ATP8A1: variants seen among roughly 807,000 people sequenced by gnomAD.
The protein encoded by ATP8A1 is phospholipid-transporting ATPase IA.
ATP8A1 carries 90 observed loss-of-function variants against 177.7 expected under a neutral mutation model. The observed-to-expected ratio is 0.51, with a 90% CI of 0.43 to 0.60. The LOEUF (loss-of-function observed/expected upper bound fraction) is 0.60, where lower values mean the gene tolerates loss of function less well. ATP8A1 is among the 20% of genes least tolerant of loss of function. ATP8A1 has a pLI of 0.00. For missense variants in ATP8A1, 1,072 were observed against 1,392.8 expected, an observed-to-expected ratio of 0.77 and a Z score of 3.67; for synonymous variants, 493 against 485.9, an observed-to-expected ratio of 1.01 and a Z score of -0.19.
intron 15 of ATP8A1, among the ~76,000 whole-genome samples, chr4:42,564,357 T>C (rs1001438928): frequency 2.0e-5 from 3 of 152,024 alleles, no homozygotes; most frequent in Non-Finnish European, 4.4e-5. Context: ...ACCATGCACC[T>C]GGAAAAGCCG....
intron 33 of ATP8A1, among the ~76,000 whole-genome samples, chr4:42,433,327 C>A (rs889461320): frequency 2.0e-5 from 3 of 152,310 alleles, no homozygotes; most frequent in South Asian, 4.1e-4. Context: ...CAGCTAGCGT[C>A]TTACATCCTA....
intron 25 of ATP8A1, among the ~76,000 whole-genome samples, chr4:42,480,511 T>C (rs1386345980): frequency 1.3e-5 from 2 of 152,248 alleles, no homozygotes; most frequent in African/African-American, 4.8e-5. Flanking sequence ...CACAAATTTT[T>C]TTCCTTAAAG....
intron 1 of ATP8A1, chr4:42,637,310 C>T (rs537472847): frequency 6.4e-6 from 3 of 469,266 alleles, no homozygotes; most frequent in African/African-American, 2.0e-5. Flanking sequence ...AGCTCTGAGT[C>T]CAGCACGTTC....
In ATP8A1 at chr4:42,446,081, A is replaced by AAAAAAAAAAAAAAAAAAAAAAC. The variant is rs1717194864; in HGVS notation, c.2958+501_2958+502insGTTTTTTTTTTTTTTTTTTTTT. 2.3e-4 allele frequency among the ~76,000 whole-genome samples: 2 copies of AAAAAAAAAAAAAAAAAAAAAAC among 8,746 alleles called. 1 individual carries two copies. Among genetic ancestry groups the AAAAAAAAAAAAAAAAAAAAAAC allele is most frequent in the Non-Finnish European group, 4.2e-4 (2 of 4,800 alleles). 5.7% of individuals were successfully genotyped at this position (8,746 alleles called of 152,430 possible). On this transcript the variant is annotated intron_variant, in intron 31 of 36. Coordinates refer to ENST00000381668, the MANE Select transcript of ATP8A1 (RefSeq NM_006095.2). ...GGCGACAAGAGTGAAACGCCCTCTC[A>AAAAAAAAAAAAAAAAAAAAAAC]AAAAAAAAAAAAAAAAAAGAGAAGA...
intron 27 of ATP8A1, among the ~76,000 whole-genome samples, chr4:42,456,384 T>C (rs1454430786): frequency 2.0e-5 from 3 of 152,156 alleles, no homozygotes; most frequent in African/African-American, 4.8e-5. Context: ...CCACTGCCAA[T>C]GGAATCTTAA....
Position 42,518,027 on chromosome 4 carries a change from C to T in ATP8A1, c.1947+4133G>A, listed in dbSNP as rs550549828. Among the ~76,000 whole-genome samples the T allele has an allele frequency of 9.7e-4, 147 of 152,144 alleles. 2 individuals are homozygous for T. Among genetic ancestry groups the T allele is most frequent in the South Asian group, 8.3e-3 (40 of 4,810 alleles). ...AAGCATCACAACCAAAGGATAAATG[C>T]CTTGTTGTATATTTTTGGTCTATTT... On this transcript the variant is annotated intron_variant, in intron 22 of 36. Coordinates refer to ENST00000381668, the MANE Select transcript of ATP8A1 (RefSeq NM_006095.2).
At chr4:42,454,200 C>T (rs551055405) in intron 29 of ATP8A1, among the ~76,000 whole-genome samples, 12 of 152,284 alleles carry the variant, frequency 7.9e-5, no homozygotes, top group Non-Finnish European at 1.6e-4. Context: ...ACGCTGTGTT[C>T]GTGAAGATCA....
chr4:42,609,098 A>G (rs565403634), intron 5 of ATP8A1, among the ~76,000 whole-genome samples: 7 of 152,294 alleles, frequency 4.6e-5, no homozygotes, highest in African/African-American at 1.7e-4. Flanking sequence ...AATACACATA[A>G]TAATACATAT....
chr4:42,630,731 G>C (rs1439259925), intron 1 of ATP8A1, among the ~76,000 whole-genome samples: 1 of 152,006 alleles, frequency 6.6e-6, no homozygotes, highest in Non-Finnish European at 1.5e-5. Context: ...ATTTTCTCTG[G>C]GTTCAGACTG....
intron 24 of ATP8A1, among the ~76,000 whole-genome samples, chr4:42,487,934 G>A (rs973123445): frequency 1.3e-5 from 2 of 152,128 alleles, no homozygotes; most frequent in African/African-American, 4.8e-5. Context: ...AAAATTTTCT[G>A]TTCACACTTT....
intron 33 of ATP8A1, among the ~76,000 whole-genome samples, chr4:42,434,616 G>A (rs1266143151): frequency 1.3e-5 from 2 of 152,158 alleles, no homozygotes; most frequent in Non-Finnish European, 2.9e-5. Flanking sequence ...GTCCTTGGCT[G>A]GACACCTTTT....
In ATP8A1 at chr4:42,522,303, A is replaced by C. The variant is rs749846722; in HGVS notation, c.1808-4T>G. 6.2e-7 allele frequency: 1 copy of C among 1,612,776 alleles called. No individual in the cohort carries two copies. Among genetic ancestry groups the C allele is most frequent in the Non-Finnish European group, 8.5e-7 (1 of 1,179,700 alleles). On this transcript the variant is annotated splice_polypyrimidine_tract_variant and splice_region_variant and intron_variant, in intron 21 of 36. Coordinates refer to ENST00000381668, the MANE Select transcript of ATP8A1 (RefSeq NM_006095.2). ...GCAAAACATAAAGTTCTTAACCCTGAAAAAGATAGCATACATCACCCCAAC... is the reference window on the plus strand; with the variant it reads ...GCAAAACATAAAGTTCTTAACCCTGCAAAAGATAGCATACATCACCCCAAC...
chr4:42,562,175 C>T (rs1402484797), intron 15 of ATP8A1: 2 of 152,232 alleles, frequency 1.3e-5, no homozygotes, highest in Non-Finnish European at 2.9e-5. Flanking sequence ...ATGCCATTGA[C>T]ACATGCTCTG....
chr4:42,415,807 A>G (rs1713179945), intron 35 of ATP8A1, among the ~76,000 whole-genome samples: 1 of 152,214 alleles, frequency 6.6e-6, no homozygotes, highest in South Asian at 2.1e-4. Context: ...ATGAAACAAT[A>G]TCATATACAA....
intron 15 of ATP8A1, among the ~76,000 whole-genome samples, chr4:42,563,915 G>A (rs905826447): frequency 6.8e-4 from 104 of 152,220 alleles, no homozygotes; most frequent in African/African-American, 2.4e-3. Flanking sequence ...GCCAACTGGG[G>A]AAACCCTGTC....
At chr4:42,608,045 A>AG (rs1735979712) in intron 5 of ATP8A1, among the ~76,000 whole-genome samples, 1 of 152,252 alleles carries the variant, frequency 6.6e-6, no homozygotes, top group Admixed American at 6.5e-5. Flanking sequence ...GGGAGAGCTC[A>AG]GACTAAACAA....
At chr4:42,651,683 C>T (rs1027682541) in intron 1 of ATP8A1, among the ~76,000 whole-genome samples, 2 of 152,188 alleles carry the variant, frequency 1.3e-5, no homozygotes, top group Non-Finnish European at 2.9e-5. Context: ...GCCTTTCACC[C>T]TTCCATTTTC....
chr4:42,586,940 G>C (rs1416754602), intron 8 of ATP8A1, among the ~76,000 whole-genome samples: 2 of 152,162 alleles, frequency 1.3e-5, no homozygotes, highest in African/African-American at 4.8e-5. Context: ...ACCAGAAGCA[G>C]CTGTCACTGA....
intron 32 of ATP8A1, 77 bp from the exon 33 acceptor site, chr4:42,443,749 T>C: frequency 2.8e-6 from 2 of 704,800 alleles, no homozygotes; most frequent in Non-Finnish European, 5.2e-6. Flanking sequence ...CTCTCTCAAA[T>C]TCCCTTATTA....
Sources: allele counts gnomAD v4.1 joint callset (sites outside exome capture counted in the v4.1 genomes callset), GRCh38; gene constraint gnomAD v4.1.1; transcripts MANE v1.5; gene names NCBI Gene and HGNC (gene_info 2026-07-23, HGNC 2026-07-21).